RRP12: variants seen among roughly 807,000 people sequenced by gnomAD.
The protein encoded by RRP12 is RRP12-like protein.
In RRP12, 78 loss-of-function variants were observed where a neutral mutation model predicts 157.3. The observed-to-expected ratio is 0.50, with a 90% CI of 0.41 to 0.60. RRP12 has a LOEUF of 0.60. Among genes scored for constraint, RRP12 ranks in the 20% least tolerant of loss-of-function variants. The pLI is 0.00. For synonymous variants in RRP12, 726 were observed against 670.9 expected (o/e 1.08, Z -1.27); for missense variants, 1,521 against 1,679.9 (o/e 0.91, Z 1.65).
At position 97,381,792 on chromosome 10, in the gene RRP12, G is replaced by C. The variant is rs914585388; in HGVS notation, c.1243C>G (p.Arg415Gly). 1 of 1,614,140 alleles carries C rather than the reference G, an allele frequency of 6.2e-7. No individual in the cohort carries two copies. The highest frequency in any genetic ancestry group is 8.5e-7 in the Non-Finnish European group (1 of 1,180,004). The change falls in exon 11 of 34, where the codon CGC becomes GGC. Residue 415 changes from arginine (R) to glycine (G), a missense_variant. Transcript: ENST00000370992. ...QWDLGLGHLP[R>G]FFGTAVTCLL... is the part of the protein sequence containing the mutation. ...CAGGTCACCGCAGTTCCAAAAAAGCGAGGGAGGTGGCCTAGCCCCAGGTCC... is the reference window on the plus strand; with the variant it reads ...CAGGTCACCGCAGTTCCAAAAAAGCCAGGGAGGTGGCCTAGCCCCAGGTCC...
Position 97,400,287 on chromosome 10 carries a change from C to T in RRP12, c.369+18G>A. The T allele has an allele frequency of 1.2e-6, 2 of 1,603,128 alleles. 1 individual carries two copies. Among genetic ancestry groups the T allele is most frequent in the South Asian group, 2.2e-5 (2 of 90,826 alleles). On this transcript the variant is annotated intron_variant, in intron 2 of 33. Coordinates refer to ENST00000370992, the MANE Select transcript of RRP12 (RefSeq NM_015179.4). Reference sequence around the variant, plus strand: ...CCTCTCCTCACTATCCTATGGCCCTCCCGACCCTCGCCCCTACCTCCTTGT... The same window carrying T: ...CCTCTCCTCACTATCCTATGGCCCTTCCGACCCTCGCCCCTACCTCCTTGT...
chr10:97,385,285 A>G (rs746990287), intron 9 of RRP12, 28 bp from the exon 10 acceptor site: 4 of 1,559,894 alleles, frequency 2.6e-6, no homozygotes, highest in Non-Finnish European at 3.5e-6. Flanking sequence ...CAGGTGACTG[A>G]GCATGCAGGG....
At chr10:97,377,878 T>G (rs1346754665) in intron 15 of RRP12, among the ~76,000 whole-genome samples, 3 of 151,332 alleles carry the variant, frequency 2.0e-5, no homozygotes, top group East Asian at 3.9e-4. Flanking sequence ...AAAAGAAAAT[T>G]TATTTACAAA....
intron 25 of RRP12, among the ~76,000 whole-genome samples, chr10:97,368,469 T>C (rs1844051261): frequency 6.6e-6 from 1 of 152,014 alleles, no homozygotes; most frequent in Non-Finnish European, 1.5e-5. Context: ...GTGATTCTCC[T>C]GCCTCAGCCT....
chr10:97,364,876 AG>A (rs1843931284), intron 29 of RRP12, among the ~76,000 whole-genome samples: 1 of 152,064 alleles, frequency 6.6e-6, no homozygotes, highest in African/African-American at 2.4e-5. Flanking sequence ...AGGCAGAGAG[AG>A]AGGGGAGGGG....
At chr10:97,365,982 A>G (rs1843964691) in intron 29 of RRP12, 126 bp downstream of exon 29, 1 of 1,326,754 alleles carries the variant, frequency 7.5e-7, no homozygotes, top group Non-Finnish European at 1.0e-6. Context: ...GAGAAACTCA[A>G]AAAGTTTGAG....
In RRP12 at chr10:97,385,914, A is replaced by G. The variant is rs1205108349; in HGVS notation, c.1097T>C (p.Leu366Pro). The change falls in exon 9 of 34, where the codon CTC becomes CCC. Residue 366 changes from leucine to proline, a missense_variant. Coordinates refer to ENST00000370992, the MANE Select transcript of RRP12 (RefSeq NM_015179.4). ...CCTCACCGTGATGATCTGGGCGTTG[A>G]GCTCTGCTGACAGGGTGCTCAGGCC... is the stretch of plus-strand genomic sequence containing the variant. Reference protein sequence around the residue: ...RPGLSTLSAELNAQIITALYD... With the variant: ...RPGLSTLSAEPNAQIITALYD... 5 of 1,605,930 alleles carry G rather than the reference A, an allele frequency of 3.1e-6. No homozygotes were observed. In the East Asian group the frequency reaches 1.1e-4, roughly 36 times the overall value.
chr10:97,400,253 A>T (rs1243948872), intron 2 of RRP12, 52 bp downstream of exon 2: 8 of 1,354,576 alleles, frequency 5.9e-6, no homozygotes, highest in Non-Finnish European at 7.4e-6. Context: ...AAGAAAAGGC[A>T]TGAGTTGGCC....
chr10:97,387,109 T>A (rs955428652), intron 8 of RRP12, among the ~76,000 whole-genome samples: 5 of 152,106 alleles, frequency 3.3e-5, no homozygotes, highest in African/African-American at 1.2e-4. Context: ...TTAAATGGTG[T>A]AGTATTTCCA....
At chr10:97,400,268 C>A in intron 2 of RRP12, 37 bp downstream of exon 2, 2 of 1,522,474 alleles carry the variant, frequency 1.3e-6, no homozygotes, top group Non-Finnish European at 1.8e-6. Context: ...TTGGCCTCTC[C>A]TCACTATCCT....
At chr10:97,397,248 C>T (rs12358520) in intron 2 of RRP12, among the ~76,000 whole-genome samples, 1 of 151,016 alleles carries the variant, frequency 6.6e-6, no homozygotes, top group Non-Finnish European at 1.5e-5. Context: ...GCAGCTTCCA[C>T]CTCCCGGGTT....
chr10:97,395,850 CAAA>C (rs548342202), intron 3 of RRP12, among the ~76,000 whole-genome samples: 49,587 of 104,980 alleles, frequency 0.47, 9,296 homozygotes, highest in African/African-American at 0.57. Context: ...GACTCCGCCT[CAAA>C]AAAAAAAAAA....
intron 25 of RRP12, chr10:97,367,479 C>A (rs756025264): frequency 2.1e-4 from 66 of 307,432 alleles, no homozygotes; most frequent in Middle Eastern, 1.0e-3. Context: ...GACACGGCGG[C>A]ACAGAGGATA....
intron 12 of RRP12, among the ~76,000 whole-genome samples, 167 bp from the exon 13 acceptor site, chr10:97,381,080 C>A (rs1283655948): frequency 6.6e-6 from 1 of 152,206 alleles, no homozygotes; most frequent in South Asian, 2.1e-4. Context: ...TGCCCACACT[C>A]CCTATGTTAA....
At chr10:97,377,868 A>G (rs958555741) in intron 15 of RRP12, among the ~76,000 whole-genome samples, 6 of 151,922 alleles carry the variant, frequency 3.9e-5, no homozygotes, top group Non-Finnish European at 8.8e-5. Flanking sequence ...AAAAGAAAAA[A>G]AAAGAAAATT....
rs180919050 is a variant in RRP12, at chr10:97,386,112, C to G, written c.1018-119G>C. On this transcript the variant is annotated intron_variant, in intron 8 of 33. Transcript: ENST00000370992. The stretch of plus-strand genomic sequence containing the variant: ...CCCCCTGAACCTCACACATGCCCCC[C>G]ACACAGAGACACCCTGAGGACTGCC... 7.6e-4 allele frequency: 485 copies of G among 635,588 alleles called. 5 individuals are homozygous for G. Among genetic ancestry groups the G allele is most frequent in the African/African-American group, 7.6e-3 (418 of 54,956 alleles). 39.4% of individuals were successfully genotyped at this position (635,588 alleles called of 1,614,324 possible). A position where few individuals can be genotyped will look rare whatever the true frequency, so the allele number is the denominator to read the frequency against.
At chr10:97,385,294 G>C (rs1564763801) in intron 9 of RRP12, 37 bp from the exon 10 acceptor site, 4 of 1,497,452 alleles carry the variant, frequency 2.7e-6, no homozygotes, top group East Asian at 2.3e-5. Context: ...GAGCATGCAG[G>C]GTCTGCAATA....
In RRP12 at chr10:97,370,788, C is replaced by T. The variant is rs780031932; in HGVS notation, c.2511G>A (p.Leu837=). 21 of 1,613,870 alleles carry T rather than the reference C, an allele frequency of 1.3e-5. No individual in the cohort carries two copies. The highest frequency in any genetic ancestry group is 1.8e-5 in the Non-Finnish European group (21 of 1,179,852). ...STSSPAKRPR[L]KCLLHIVRKL... Reference sequence around the variant, plus strand: ...TCCTCACGATGTGTAGGAGGCACTTCAAACGGGGCTGTGGGCAAAGGGCTA... The same window carrying T: ...TCCTCACGATGTGTAGGAGGCACTTTAAACGGGGCTGTGGGCAAAGGGCTA... The change falls in exon 22 of 34, where the codon TTG becomes TTA. Residue 837 remains leucine (L), a synonymous_variant. Transcript: ENST00000370992.
At chr10:97,380,962 C>A (rs1408147103) in intron 12 of RRP12, 49 bp from the exon 13 acceptor site, 2 of 1,451,086 alleles carry the variant, frequency 1.4e-6, no homozygotes, top group Non-Finnish European at 1.9e-6. Context: ...CACCCTGTGC[C>A]CCCCACCAGA....
Sources: gnomAD v4.1 joint callset for allele counts (sites outside exome capture counted in the v4.1 genomes callset) on GRCh38, gnomAD v4.1.1 for gene constraint, MANE v1.5 for transcripts, NCBI Gene and HGNC (gene_info 2026-07-23, HGNC 2026-07-21) for gene names.